The following ANTXR1 variants were observed in gnomAD, a reference collection of about 807,000 sequenced individuals.
The protein encoded by ANTXR1 is ANTXR cell adhesion molecule 1.
Under a neutral mutation model 78.1 loss-of-function variants are expected in ANTXR1, and 19 were observed. That is an observed-to-expected ratio of 0.24 (90% CI 0.17 to 0.36). ANTXR1 has a LOEUF of 0.36. ANTXR1 is among the 10% of genes least tolerant of loss of function. The pLI is 1.00. For missense variants in ANTXR1, 518 were observed against 718.6 expected, an observed-to-expected ratio of 0.72 and a Z score of 3.19; for synonymous variants, 273 against 260.5, an observed-to-expected ratio of 1.05 and a Z score of -0.46.
intron 12 of ANTXR1, chr2:69,145,732 C>A: frequency 9.5e-7 from 1 of 1,052,208 alleles, no homozygotes. Context: ...CCTCTCCATT[C>A]TATCCTCCTC....
intron 13 of ANTXR1, among the ~76,000 whole-genome samples, chr2:69,162,482 A>G (rs546574540): frequency 6.6e-6 from 1 of 152,340 alleles, no homozygotes; most frequent in East Asian, 1.9e-4. Context: ...GGAAATGCTT[A>G]GGGATCTGCA....
intron 17 of ANTXR1, among the ~76,000 whole-genome samples, chr2:69,210,934 A>T (rs9989810): frequency 0.011 from 1,577 of 142,176 alleles, 20 homozygotes; most frequent in East Asian, 0.088. Context: ...AGACTCCATC[A>T]CAAAAAAAAA....
intron 9 of ANTXR1, among the ~76,000 whole-genome samples, chr2:69,092,633 T>C (rs1671276404): frequency 1.3e-5 from 2 of 152,210 alleles, no homozygotes; most frequent in African/African-American, 4.8e-5. Context: ...GTAAATGTGA[T>C]TGCCACAGAG....
At chr2:69,081,044 C>T (rs1670884624) in intron 8 of ANTXR1, among the ~76,000 whole-genome samples, 2 of 152,176 alleles carry the variant, frequency 1.3e-5, no homozygotes, top group African/African-American at 4.8e-5. Context: ...AATAGCATTT[C>T]GGCCTTTGAA....
intron 10 of ANTXR1, among the ~76,000 whole-genome samples, chr2:69,109,603 T>C (rs192541266): frequency 1.8e-3 from 270 of 152,124 alleles, no homozygotes; most frequent in Middle Eastern, 6.8e-3. Context: ...AGGGAAAGAG[T>C]GGGTTATTCA....
At chr2:69,135,412 A>G (rs1200585391) in intron 12 of ANTXR1, among the ~76,000 whole-genome samples, 4 of 152,186 alleles carry the variant, frequency 2.6e-5, no homozygotes, top group African/African-American at 9.6e-5. Flanking sequence ...AAATAAATAT[A>G]ATGGACCAAA....
At chr2:69,075,512 G>T (rs1456704060) in intron 6 of ANTXR1, 78 bp from the exon 7 acceptor site, 1 of 1,367,916 alleles carries the variant, frequency 7.3e-7, no homozygotes, top group African/African-American at 1.4e-5. Flanking sequence ...CCTCATCATT[G>T]AAGTTAGTCA....
intron 8 of ANTXR1, among the ~76,000 whole-genome samples, chr2:69,087,756 C>G (rs1671100357): frequency 6.6e-6 from 1 of 152,164 alleles, no homozygotes; most frequent in Non-Finnish European, 1.5e-5. Context: ...TCTGCCATGG[C>G]TACCACTGCC....
chr2:69,084,848 CTTTTT>C (rs10708894), intron 8 of ANTXR1, among the ~76,000 whole-genome samples: 53 of 94,054 alleles, frequency 5.6e-4, no homozygotes, highest in Non-Finnish European at 1.0e-3. Flanking sequence ...GAAAAGGCAA[CTTTTT>C]TTTTTTTTTT....
chr2:69,209,342 GAC>G (rs1431782106), intron 17 of ANTXR1, among the ~76,000 whole-genome samples: 1 of 152,170 alleles, frequency 6.6e-6, no homozygotes, highest in African/African-American at 2.4e-5. Flanking sequence ...CTGACCCTGT[GAC>G]ACAGTTGTTC....
At position 69,190,526 on chromosome 2, in the gene ANTXR1, G is replaced by T. The variant is rs1674521721; in HGVS notation, c.1354-2809G>T. 2.0e-5 allele frequency among the ~76,000 whole-genome samples: 3 copies of T among 152,166 alleles called. No individual in the cohort carries two copies. In the South Asian group the frequency reaches 6.2e-4, roughly 31 times the overall value. On this transcript the variant is annotated intron_variant, in intron 16 of 17. Transcript: ENST00000303714. ...GTAACATTTAATGAATACCTTTTAT[G>T]AGGCAAGTACCTAACTTCAATATTT...
intron 10 of ANTXR1, among the ~76,000 whole-genome samples, chr2:69,120,272 T>C (rs1300571853): frequency 6.6e-6 from 1 of 152,214 alleles, no homozygotes; most frequent in Non-Finnish European, 1.5e-5. Flanking sequence ...TATACACAAC[T>C]GAAAGCACCT....
chr2:69,099,343 T>C (rs1671535636), intron 9 of ANTXR1, among the ~76,000 whole-genome samples: 1 of 152,262 alleles, frequency 6.6e-6, no homozygotes, highest in Admixed American at 6.5e-5. Context: ...ACCATACTTA[T>C]CAGTTGATGA....
intron 1 of ANTXR1, 82 bp from the exon 2 acceptor site, chr2:69,039,962 A>G: frequency 8.3e-7 from 1 of 1,199,154 alleles, no homozygotes; most frequent in Non-Finnish European, 1.2e-6. Flanking sequence ...CAAATGTAAA[A>G]TAACAGAATG....
intron 17 of ANTXR1, among the ~76,000 whole-genome samples, chr2:69,235,685 A>G (rs1342583886): frequency 6.8e-6 from 1 of 146,970 alleles, no homozygotes; most frequent in African/African-American, 2.5e-5. Flanking sequence ...AATAGACTCT[A>G]TGGATTGATA....
At chr2:69,111,186 G>T (rs914274024) in intron 10 of ANTXR1, among the ~76,000 whole-genome samples, 3 of 152,164 alleles carry the variant, frequency 2.0e-5, no homozygotes, top group African/African-American at 4.8e-5. Flanking sequence ...GCTGAACTCT[G>T]CTGGCCAAGA....
chr2:69,016,196 G>A (rs530902462), intron 1 of ANTXR1, among the ~76,000 whole-genome samples: 10 of 152,202 alleles, frequency 6.6e-5, no homozygotes, highest in South Asian at 2.1e-4. Flanking sequence ...TATGTGACTC[G>A]AGCACTTGAA....
intron 10 of ANTXR1, among the ~76,000 whole-genome samples, chr2:69,118,542 G>A (rs947209523): frequency 1.3e-5 from 2 of 152,178 alleles, no homozygotes; most frequent in Non-Finnish European, 2.9e-5. Flanking sequence ...AAGCCAAGTG[G>A]GCCAGTCCGA....
At chr2:69,029,050 CCT>C (rs202178395) in intron 1 of ANTXR1, among the ~76,000 whole-genome samples, 11,796 of 149,852 alleles carry the variant, frequency 0.079, 456 homozygotes, top group Admixed American at 0.12. Flanking sequence ...GACCCCCCCC[CCT>C]CCATCTCTAC....
Sources: gnomAD v4.1 joint callset for allele counts (sites outside exome capture counted in the v4.1 genomes callset) on GRCh38, gnomAD v4.1.1 for gene constraint, MANE v1.5 for transcripts, NCBI Gene and HGNC (gene_info 2026-07-23, HGNC 2026-07-21) for gene names.